The following SLC25A53 variants were observed in gnomAD, a reference collection of about 807,000 sequenced individuals.
The protein encoded by SLC25A53 is mitochondrial carrier triple repeat protein 6.
Under a neutral mutation model 15.0 loss-of-function variants are expected in SLC25A53, and 5 were observed. That is an observed-to-expected ratio of 0.33 (90% CI 0.17 to 0.70). The LOEUF (loss-of-function observed/expected upper bound fraction) is 0.70, where lower values mean the gene tolerates loss of function less well. Among genes scored for constraint, SLC25A53 ranks in the 30% least tolerant of loss-of-function variants. The pLI, the probability that SLC25A53 is intolerant of heterozygous loss-of-function variation, is 0.67. For synonymous variants in SLC25A53, 95 were observed against 100.0 expected (o/e 0.95, Z 0.30); for missense variants, 216 against 241.6 (o/e 0.89, Z 0.70).
intron 1 of SLC25A53, among the ~76,000 whole-genome samples, chrX:104,129,941 A>G (rs1556365166): frequency 9.3e-6 from 1 of 107,696 alleles, no homozygotes; most frequent in Non-Finnish European, 1.9e-5. Flanking sequence ...AAGCTGGATG[A>G]TAAGTATATG....
intron 1 of SLC25A53, among the ~76,000 whole-genome samples, chrX:104,122,490 C>T (rs1556363139): frequency 9.1e-6 from 1 of 109,421 alleles, no homozygotes; most frequent in African/African-American, 3.3e-5. Context: ...TTTCCCTTCA[C>T]CCTGGCTGAA....
intron 1 of SLC25A53, among the ~76,000 whole-genome samples, chrX:104,145,892 G>A (rs1201412203): frequency 1.8e-5 from 2 of 111,782 alleles, no homozygotes; most frequent in Admixed American, 9.5e-5. Flanking sequence ...AAAGAGGACC[G>A]GGTACCATTC....
At position 104,104,708 on chromosome X, in the gene SLC25A53, T is replaced by C. The variant is rs2075298128; in HGVS notation, c.550A>G (p.Arg184Gly). The C allele has an allele frequency of 2.5e-5, 30 of 1,211,739 alleles. No individual in the cohort carries two copies. Among genetic ancestry groups the C allele is most frequent in the Non-Finnish European group, 3.1e-5 (28 of 895,534 alleles). Residue 184 changes from arginine (R) to glycine (G), a missense_variant, in exon 2 of 2, where the codon AGG (arginine) becomes GGG (glycine). Arg to Gly is a moderately radical substitution (Grantham distance 125). Transcript: ENST00000594199. ...YYRGFWPVLA[R>G]NSLGSALYFS... The stretch of plus-strand genomic sequence containing the variant: ...TATAGAGCACTCCCCAGGCTGTTCC[T>C]GGCCAGGACAGGCCAGAAACCACGA...
In SLC25A53 at chrX:104,104,767, T is replaced by G; in HGVS notation, c.491A>C (p.Tyr164Ser). The change falls in exon 2 of 2, where the codon TAT becomes TCT. Residue 164 changes from tyrosine (Y) to serine (S), a missense_variant. Tyr to Ser is a moderately radical substitution (Grantham distance 144, BLOSUM62 -2). Coordinates refer to ENST00000594199, the MANE Select transcript of SLC25A53 (RefSeq NM_001012755.5). ...TFSILKEFNSYGLWGRLSLGY... is the reference protein window; with the variant it reads ...TFSILKEFNSSGLWGRLSLGY... ...CAGTGACAGCCGCCCCCAAAGCCCA[T>G]AAGAATTGAATTCCTTGAGAATGCT... 1 of 1,211,445 alleles carries G rather than the reference T, an allele frequency of 8.3e-7. No individual in the cohort carries two copies. The highest frequency in any genetic ancestry group is 1.1e-6 in the Non-Finnish European group (1 of 895,472).
intron 1 of SLC25A53, among the ~76,000 whole-genome samples, chrX:104,117,312 C>G (rs200609829): frequency 9.1e-6 from 1 of 109,669 alleles, no homozygotes; most frequent in African/African-American, 3.3e-5. Flanking sequence ...TTTACCACCA[C>G]TCCCCTTCCC....
chrX:104,120,783 G>A (rs1470913163), intron 1 of SLC25A53, among the ~76,000 whole-genome samples: 1 of 112,107 alleles, frequency 8.9e-6, no homozygotes, highest in Non-Finnish European at 1.9e-5. Flanking sequence ...TCAACATTAA[G>A]TGGATGCTTG....
Position 104,104,469 on chromosome X carries a change from G to A in SLC25A53, c.789C>T (p.Gly263=), listed in dbSNP as rs1356283456. 2.3e-5 allele frequency: 28 copies of A among 1,210,225 alleles called. No individual in the cohort carries two copies. The highest frequency in any genetic ancestry group is 3.0e-5 in the Non-Finnish European group (27 of 895,252). The change falls in exon 2 of 2, where the codon GGC becomes GGT. Residue 263 remains glycine, a synonymous_variant. Transcript: ENST00000594199. ...ASAQDVWNTR[G]RKLLLIYRGG... ...CACGGTAGATCAGGAGCAGCTTTCGGCCCCGAGTGTTCCATACATCCTGGG... is the reference window on the plus strand; with the variant it reads ...CACGGTAGATCAGGAGCAGCTTTCGACCCCGAGTGTTCCATACATCCTGGG...
intron 1 of SLC25A53, chrX:104,115,794 T>A (rs1429922862): frequency 8.0e-6 from 1 of 124,934 alleles, no homozygotes; most frequent in Non-Finnish European, 1.8e-5. Context: ...TTTCACCAAA[T>A]AATGTATCTC....
At position 104,100,506 on chromosome X, in the gene SLC25A53, G is replaced by A. The variant is rs1280421732; in HGVS notation, c.*3828C>T. On this transcript the variant is annotated 3_prime_UTR_variant, in exon 2 of 2. Transcript: ENST00000594199. Reference sequence around the variant, plus strand: ...TTGACATTTAAAATTACTTGAAAACGACTATGCCCTTAAATTTTGCTCACA... The same window carrying A: ...TTGACATTTAAAATTACTTGAAAACAACTATGCCCTTAAATTTTGCTCACA... 2.7e-5 allele frequency: 3 copies of A among 111,467 alleles called. No individual in the cohort carries two copies. Among genetic ancestry groups the A allele is most frequent in the Admixed American group, 9.6e-5 (1 of 10,459 alleles). The allele number at this position is 111,467 out of a possible 1,213,427, so 9.2% of individuals were successfully genotyped here. A position where few individuals can be genotyped will look rare whatever the true frequency, so the allele number is the denominator to read the frequency against.
intron 1 of SLC25A53, among the ~76,000 whole-genome samples, chrX:104,153,843 C>T (rs2075492729): frequency 8.9e-6 from 1 of 112,041 alleles, no homozygotes; most frequent in African/African-American, 3.2e-5. Context: ...AAAACACATC[C>T]ATTTTATTAA....
rs2075278653 is a variant in SLC25A53 at position 104,101,137 on chromosome X, A to G, written c.*3197T>C. ...ACTTAACGTTTACCACTTTATTATAAAGGATATATCAAAGGATAGAGATGA... is the reference window on the plus strand; with the variant it reads ...ACTTAACGTTTACCACTTTATTATAGAGGATATATCAAAGGATAGAGATGA... On this transcript the variant is annotated 3_prime_UTR_variant, in exon 2 of 2. Transcript: ENST00000594199. The G allele has an allele frequency of 8.9e-6, 1 of 112,129 alleles. No individual in the cohort carries two copies. Among genetic ancestry groups the G allele is most frequent in the African/African-American group, 3.2e-5 (1 of 30,827 alleles). The allele number at this position is 112,129 out of a possible 1,213,427, so 9.2% of individuals were successfully genotyped here.
chrX:104,123,281 C>T (rs2075400372), intron 1 of SLC25A53, among the ~76,000 whole-genome samples: 1 of 112,879 alleles, frequency 8.9e-6, no homozygotes, highest in Non-Finnish European at 1.9e-5. Flanking sequence ...CTCTCAGGAA[C>T]TGCCCTTGCA....
intron 1 of SLC25A53, among the ~76,000 whole-genome samples, chrX:104,124,536 C>T (rs1328279085): frequency 1.8e-5 from 2 of 110,608 alleles, no homozygotes; most frequent in African/African-American, 6.6e-5. Context: ...TTGCTTGAGG[C>T]CAAGAGTTCA....
intron 1 of SLC25A53, among the ~76,000 whole-genome samples, chrX:104,110,259 A>G (rs1306860851): frequency 9.0e-6 from 1 of 111,596 alleles, no homozygotes; most frequent in Non-Finnish European, 1.9e-5. Context: ...GGGGAGCAGA[A>G]GCAAAAGTCT....
At chrX:104,153,261 T>TA (rs373344707) in intron 1 of SLC25A53, among the ~76,000 whole-genome samples, 3 of 71,183 alleles carry the variant, frequency 4.2e-5, no homozygotes, top group East Asian at 7.5e-4. Context: ...TATATATATA[T>TA]ATTTTTTTTT....
At chrX:104,116,329 G>A (rs2075376857) in intron 1 of SLC25A53, among the ~76,000 whole-genome samples, 1 of 111,193 alleles carries the variant, frequency 9.0e-6, no homozygotes, top group Non-Finnish European at 1.9e-5. Flanking sequence ...AGGAGCAGGG[G>A]GGAATGATTT....
intron 1 of SLC25A53, among the ~76,000 whole-genome samples, chrX:104,122,306 TTTTTTTTTTTG>T (rs1211377967): frequency 2.5e-4 from 23 of 91,447 alleles, no homozygotes; most frequent in Non-Finnish European, 6.6e-5. Flanking sequence ...TTTTTTTTGT[TTTTTTTTTTTG>T]TTTTTTTTTT....
At chrX:104,142,152 G>A (rs1602502828) in intron 1 of SLC25A53, among the ~76,000 whole-genome samples, 1 of 110,815 alleles carries the variant, frequency 9.0e-6, no homozygotes, top group Non-Finnish European at 1.9e-5. Context: ...GGCTGAGGTG[G>A]GAGGATTGTT....
intron 1 of SLC25A53, chrX:104,114,703 A>T (rs1348502738): frequency 8.3e-7 from 1 of 1,210,214 alleles, no homozygotes; most frequent in Non-Finnish European, 1.1e-6. Flanking sequence ...TCTTCTCAGG[A>T]TGTATGCAAA....
Sources: gnomAD v4.1 joint callset for allele counts (sites outside exome capture counted in the v4.1 genomes callset) on GRCh38, gnomAD v4.1.1 for gene constraint, MANE v1.5 for transcripts, NCBI Gene and HGNC (gene_info 2026-07-23, HGNC 2026-07-21) for gene names.